Variants in NCAM1 observed in about 807,000 individuals in gnomAD.
NCAM1 encodes the protein neural cell adhesion molecule 1.
A neutral mutation model predicts 109.8 loss-of-function variants in NCAM1; 14 were observed. The ratio of observed to expected loss-of-function variants is 0.13; its 90% CI spans 0.08 to 0.20. The LOEUF is 0.20. Ranked by LOEUF, NCAM1 falls within the 10% of genes least tolerant of loss-of-function variation. The probability of loss-of-function intolerance (pLI) is 1.00; values close to 1 mark genes in which losing one functional copy is unlikely to be tolerated. For missense variants in NCAM1, 774 were observed against 1,109.9 expected, an observed-to-expected ratio of 0.70 and a Z score of 4.30; for synonymous variants, 418 against 442.9, an observed-to-expected ratio of 0.94 and a Z score of 0.70.
intron 1 of NCAM1, among the ~76,000 whole-genome samples, chr11:113,025,189 T>C (rs568095778): frequency 3.3e-5 from 5 of 152,272 alleles, no homozygotes; most frequent in African/African-American, 1.2e-4. Flanking sequence ...TTTTTTTTCA[T>C]CAGGATTTGC....
intron 1 of NCAM1, among the ~76,000 whole-genome samples, chr11:113,131,494 A>G (rs1030461462): frequency 5.9e-5 from 9 of 152,260 alleles, no homozygotes; most frequent in African/African-American, 2.2e-4. Context: ...TGTTGGAAGC[A>G]CACAGATGTA....
At chr11:112,984,974 C>T (rs973189574) in intron 1 of NCAM1, among the ~76,000 whole-genome samples, 10 of 151,726 alleles carry the variant, frequency 6.6e-5, no homozygotes. Context: ...ATTGCCAAGA[C>T]CAGTGTCAAG....
chr11:113,100,309 T>C (rs1220116957), intron 1 of NCAM1, among the ~76,000 whole-genome samples: 2 of 152,108 alleles, frequency 1.3e-5, no homozygotes, highest in Non-Finnish European at 2.9e-5. Flanking sequence ...ACTTTTGGGC[T>C]CTGGCCCCAC....
intron 1 of NCAM1, among the ~76,000 whole-genome samples, chr11:113,184,364 G>A (rs1433094853): frequency 6.6e-6 from 1 of 152,130 alleles, no homozygotes; most frequent in East Asian, 1.9e-4. Flanking sequence ...AAAGATAAGA[G>A]GCAGGTAGTT....
At chr11:113,221,527 T>C in intron 9 of NCAM1, 1 of 498,638 alleles carries the variant, frequency 2.0e-6, no homozygotes, top group South Asian at 3.1e-5. Context: ...AACAAATCCA[T>C]ATTATTTCCT....
chr11:113,015,964 T>C (rs530341115), intron 1 of NCAM1, among the ~76,000 whole-genome samples: 1 of 152,252 alleles, frequency 6.6e-6, no homozygotes, highest in Admixed American at 6.5e-5. Flanking sequence ...CCTGATGTTA[T>C]CAGGTGTCGA....
chr11:113,080,452 A>T (rs1432625745), intron 1 of NCAM1, among the ~76,000 whole-genome samples: 1 of 149,556 alleles, frequency 6.7e-6, no homozygotes, highest in Non-Finnish European at 1.5e-5. Context: ...CTCTGAATAG[A>T]GGGGTTTTTT....
At chr11:113,037,231 T>G (rs1952916400) in intron 1 of NCAM1, among the ~76,000 whole-genome samples, 1 of 152,242 alleles carries the variant, frequency 6.6e-6, no homozygotes, top group African/African-American at 2.4e-5. Context: ...GACGTTATTA[T>G]CAGCCACCTT....
intron 1 of NCAM1, among the ~76,000 whole-genome samples, chr11:113,055,383 G>T (rs1181248321): frequency 1.3e-5 from 2 of 152,160 alleles, no homozygotes; most frequent in East Asian, 3.8e-4. Context: ...GTAGAAAATG[G>T]TCAACGTTTT....
rs1218549002 is a variant in NCAM1 at position 113,271,946 on chromosome 11, C to T, written c.2456+70C>T. On this transcript the variant is annotated intron_variant, in intron 19 of 19. Coordinates refer to ENST00000316851, the MANE Select transcript of NCAM1 (RefSeq NM_181351.5). ...CACACCCACCTCCCCACCCTACCCC[C>T]ACCTCCCGTGCCCCTACCCACAGCT... is the stretch of plus-strand genomic sequence containing the variant. The T allele has an allele frequency of 4.1e-6, 5 of 1,223,276 alleles. No homozygotes were observed. In the Admixed American group the frequency reaches 6.5e-5, roughly 16 times the overall value. The allele number at this position is 1,223,276 out of a possible 1,614,324, so 75.8% of individuals were successfully genotyped here.
intron 1 of NCAM1, among the ~76,000 whole-genome samples, chr11:113,169,295 C>G (rs1216597756): frequency 1.3e-5 from 2 of 152,076 alleles, no homozygotes; most frequent in Non-Finnish European, 2.9e-5. Flanking sequence ...ATTGGTGGAA[C>G]AATTAGGGTT....
At chr11:112,976,512 G>A (rs182323052) in intron 1 of NCAM1, among the ~76,000 whole-genome samples, 5 of 151,976 alleles carry the variant, frequency 3.3e-5, no homozygotes, top group Admixed American at 1.3e-4. Flanking sequence ...GTATGTCTGC[G>A]GCTGTCTGGA....
At chr11:113,106,334 G>T (rs1440922230) in intron 1 of NCAM1, among the ~76,000 whole-genome samples, 1 of 152,124 alleles carries the variant, frequency 6.6e-6, no homozygotes, top group Non-Finnish European at 1.5e-5. Context: ...TGGCATTATG[G>T]TTCAAAATAT....
At chr11:113,267,954 C>T (rs1208452275) in intron 17 of NCAM1, among the ~76,000 whole-genome samples, 5 of 152,136 alleles carry the variant, frequency 3.3e-5, no homozygotes, top group Non-Finnish European at 5.9e-5. Flanking sequence ...CCATTGAGTC[C>T]AAAAATCCAG....
intron 19 of NCAM1, chr11:113,272,947 C>T (rs1555125777): frequency 4.4e-6 from 2 of 456,834 alleles, no homozygotes; most frequent in South Asian, 3.1e-5. Flanking sequence ...CCTGCCGACA[C>T]TACGGCCACT....
intron 1 of NCAM1, among the ~76,000 whole-genome samples, chr11:113,023,543 A>T (rs1555076620): frequency 6.6e-6 from 1 of 152,242 alleles, no homozygotes; most frequent in African/African-American, 2.4e-5. Flanking sequence ...CTATTGAAGG[A>T]CTTGGGAAGT....
intron 8 of NCAM1, among the ~76,000 whole-genome samples, chr11:113,215,223 A>G (rs996365412): frequency 2.6e-5 from 4 of 152,200 alleles, no homozygotes; most frequent in Non-Finnish European, 5.9e-5. Flanking sequence ...ATATATAAAA[A>G]CTGAGGTGAC....
At chr11:113,056,299 G>T (rs998191861) in intron 1 of NCAM1, among the ~76,000 whole-genome samples, 2 of 151,832 alleles carry the variant, frequency 1.3e-5, no homozygotes, top group African/African-American at 2.4e-5. Context: ...CAAAACTATA[G>T]TTAAATAGTA....
At chr11:113,148,167 G>T (rs958813288) in intron 1 of NCAM1, among the ~76,000 whole-genome samples, 1 of 152,140 alleles carries the variant, frequency 6.6e-6, no homozygotes, top group Non-Finnish European at 1.5e-5. Context: ...GGACGACAGA[G>T]CCCTGGTCAT....
Sources: allele counts gnomAD v4.1 joint callset (sites outside exome capture counted in the v4.1 genomes callset), GRCh38; gene constraint gnomAD v4.1.1; transcripts MANE v1.5; gene names NCBI Gene and HGNC (gene_info 2026-07-23, HGNC 2026-07-21).